Variants in CEP112 observed in about 807,000 individuals in gnomAD.
CEP112 encodes the protein centrosomal protein 112, also known as centrosomal protein of 112 kDa.
A neutral mutation model predicts 153.0 loss-of-function variants in CEP112; 127 were observed. That is an observed-to-expected ratio of 0.83 (90% CI 0.72 to 0.96). The LOEUF (loss-of-function observed/expected upper bound fraction) is 0.96. Among genes scored for constraint, CEP112 ranks in the 40% least tolerant of loss-of-function variants. CEP112 has a pLI of 0.00. For missense variants in CEP112, 1,089 were observed against 1,101.2 expected, an observed-to-expected ratio of 0.99 and a Z score of 0.16; for synonymous variants, 358 against 374.4, an observed-to-expected ratio of 0.96 and a Z score of 0.51.
At chr17:65,863,750 AAAAAAAAAAAG>A (rs1315072093) in intron 20 of CEP112, among the ~76,000 whole-genome samples, 12 of 3,448 alleles carry the variant, frequency 3.5e-3, no homozygotes, top group South Asian at 6.8e-3. Flanking sequence ...ACTCTGTCTC[AAAAAAAAAAAG>A]AAAAAAAAAA....
At chr17:65,677,204 C>A (rs2047280594) in intron 24 of CEP112, among the ~76,000 whole-genome samples, 1 of 152,126 alleles carries the variant, frequency 6.6e-6, no homozygotes. Flanking sequence ...CATACAAAAC[C>A]TAAAAAGGAT....
chr17:65,834,153 T>C (rs2057206389), intron 21 of CEP112, among the ~76,000 whole-genome samples: 2 of 152,090 alleles, frequency 1.3e-5, no homozygotes, highest in African/African-American at 4.8e-5. Flanking sequence ...GCCGTATGCA[T>C]AAGACTGAAG....
At chr17:66,022,711 G>GGGA (rs60618756) in intron 16 of CEP112, among the ~76,000 whole-genome samples, 5 of 127,068 alleles carry the variant, frequency 3.9e-5, no homozygotes, top group East Asian at 2.2e-4. Flanking sequence ...TCCGCCTCAA[G>GGGA]AAAAAAAAAA....
intron 12 of CEP112, among the ~76,000 whole-genome samples, chr17:66,042,731 T>G (rs2066037626): frequency 6.6e-6 from 1 of 152,284 alleles, no homozygotes. Flanking sequence ...TTACTTATTG[T>G]GAAAAGTGTA....
intron 20 of CEP112, among the ~76,000 whole-genome samples, chr17:65,867,960 A>G (rs1386442760): frequency 3.3e-5 from 5 of 151,904 alleles, no homozygotes; most frequent in Admixed American, 3.3e-4. Context: ...CCTGATGACT[A>G]GGTTTGAGAA....
At chr17:65,791,042 G>A (rs905064788) in intron 21 of CEP112, among the ~76,000 whole-genome samples, 6 of 151,178 alleles carry the variant, frequency 4.0e-5, no homozygotes, top group Admixed American at 6.6e-5. Context: ...TTTGGAATGG[G>A]GGGGAGGCTT....
chr17:66,153,013 T>C (rs866538087), intron 4 of CEP112, among the ~76,000 whole-genome samples: 37 of 151,980 alleles, frequency 2.4e-4, no homozygotes, highest in Middle Eastern at 3.4e-3. Context: ...ATGCACAAAA[T>C]CAAAGCCACT....
intron 18 of CEP112, among the ~76,000 whole-genome samples, chr17:65,940,611 T>C (rs959954400): frequency 2.6e-5 from 4 of 152,084 alleles, no homozygotes; most frequent in Non-Finnish European, 5.9e-5. Flanking sequence ...CTGGAGGACA[T>C]TGTGTTAAGT....
intron 8 of CEP112, among the ~76,000 whole-genome samples, chr17:66,086,528 T>C (rs1419309323): frequency 1.3e-5 from 2 of 150,936 alleles, no homozygotes; most frequent in Admixed American, 6.6e-5. Flanking sequence ...CTCAGCCTCC[T>C]GAGTAGCTGG....
chr17:65,999,548 T>A (rs1568360090), intron 17 of CEP112, among the ~76,000 whole-genome samples: 1 of 144,552 alleles, frequency 6.9e-6, no homozygotes. Context: ...ATTTGAGTGA[T>A]ATAATCCTGA....
intron 17 of CEP112, among the ~76,000 whole-genome samples, chr17:65,969,486 TAC>T (rs1039679280): frequency 1.2e-4 from 19 of 152,326 alleles, no homozygotes; most frequent in African/African-American, 4.1e-4. Context: ...GCATGCATAT[TAC>T]ACACAGGTAT....
At chr17:65,732,727 T>C (rs1422965431) in intron 23 of CEP112, among the ~76,000 whole-genome samples, 1 of 152,244 alleles carries the variant, frequency 6.6e-6, no homozygotes, top group African/African-American at 2.4e-5. Flanking sequence ...TTAAACCTTA[T>C]GAACAAACCT....
chr17:65,826,038 CCTT>C, intron 21 of CEP112: 3 of 1,199,442 alleles, frequency 2.5e-6, no homozygotes, highest in Non-Finnish European at 2.4e-6. Flanking sequence ...AAATTCATCT[CCTT>C]GAGATGAATT....
In CEP112 at chr17:66,106,801, G is replaced by GTAT. The variant is rs1358182215; in HGVS notation, c.643-10172_643-10170dup. On this transcript the variant is annotated intron_variant, in intron 6 of 26. Coordinates refer to ENST00000535342, the MANE Select transcript of CEP112 (RefSeq NM_001199165.4). ...ATTTCCTAACTCATTCTCAAGGCTA[G>GTAT]TATTACCCTGATACCAAAACCAGAC... Among the ~76,000 whole-genome samples the GTAT allele has an allele frequency of 5.3e-5, 8 of 152,094 alleles. No individual in the cohort carries two copies. The East Asian group carries it at 1.5e-3, about 29-fold the overall frequency.
chr17:65,783,422 G>C (rs1022815269), intron 21 of CEP112, among the ~76,000 whole-genome samples: 3 of 152,166 alleles, frequency 2.0e-5, no homozygotes, highest in African/African-American at 7.2e-5. Context: ...ATGTGACCCA[G>C]CAATTACCAC....
intron 12 of CEP112, chr17:66,043,033 T>C (rs1306069993): frequency 1.1e-5 from 10 of 918,154 alleles, no homozygotes; most frequent in African/African-American, 1.8e-5. Context: ...ACTACTAACA[T>C]AGTTAAATAT....
chr17:65,859,030 A>G (rs1039132903), intron 20 of CEP112, among the ~76,000 whole-genome samples: 4 of 152,208 alleles, frequency 2.6e-5, no homozygotes, highest in Non-Finnish European at 5.9e-5. Flanking sequence ...CCAGAGATCA[A>G]TTCAAAGTGC....
chr17:65,764,833 G>C (rs1209686515), intron 21 of CEP112, among the ~76,000 whole-genome samples: 2 of 146,726 alleles, frequency 1.4e-5, no homozygotes, highest in East Asian at 4.1e-4. Context: ...TATATCCTTT[G>C]TTCCTTTTTT....
intron 21 of CEP112, among the ~76,000 whole-genome samples, chr17:65,832,714 G>A (rs902621557): frequency 4.6e-5 from 7 of 150,624 alleles, no homozygotes; most frequent in Non-Finnish European, 8.8e-5. Context: ...GTAATAAATA[G>A]CCTAACAAAC....
Sources: gnomAD v4.1 joint callset for allele counts (sites outside exome capture counted in the v4.1 genomes callset) on GRCh38, gnomAD v4.1.1 for gene constraint, MANE v1.5 for transcripts, NCBI Gene and HGNC (gene_info 2026-07-23, HGNC 2026-07-21) for gene names.